Variants in SOX5 observed in about 807,000 individuals in gnomAD.
SOX5 encodes the protein SRY-box transcription factor 5.
In SOX5, 9 loss-of-function variants were observed where a neutral mutation model predicts 92.0. That is an observed-to-expected ratio of 0.10 (90% CI 0.06 to 0.17). The LOEUF (loss-of-function observed/expected upper bound fraction) is 0.17, where lower values mean the gene tolerates loss of function less well. Among genes scored for constraint, SOX5 ranks in the 10% least tolerant of loss-of-function variants. The pLI is 1.00. For synonymous variants in SOX5, 344 were observed against 336.3 expected, an observed-to-expected ratio of 1.02 and a Z score of -0.25; for missense variants, 642 against 944.5, an observed-to-expected ratio of 0.68 and a Z score of 4.20.
chr12:24,320,781 C>T lies in SOX5; in HGVS notation c.-173-43469G>A, dbSNP rs911026042. Among the ~76,000 whole-genome samples the T allele has an allele frequency of 2.6e-5, 4 of 151,700 alleles. 1 individual carries two copies. The highest frequency in any genetic ancestry group is 2.0e-4 in the Admixed American group (3 of 15,232). ...TCGGGAGGCTGAGGCAGGAGAATGG[C>T]GTGAACCTGGGAGGCGGAGCTTGCA... On this transcript the variant is annotated intron_variant, in intron 2 of 4. Transcript: ENST00000446891.
chr12:23,621,279 T>G (rs2077145719), intron 8 of SOX5, among the ~76,000 whole-genome samples: 1 of 151,984 alleles, frequency 6.6e-6, no homozygotes. Flanking sequence ...ATAGAGCTTA[T>G]CAGGGGATGG....
intron 4 of SOX5, among the ~76,000 whole-genome samples, chr12:24,132,421 A>C (rs1307178772): frequency 6.6e-6 from 1 of 152,154 alleles, no homozygotes; most frequent in African/African-American, 2.4e-5. Flanking sequence ...TGTGGTATCT[A>C]TATATATTTT....
At chr12:24,366,542 T>C (rs954702878) in intron 2 of SOX5, among the ~76,000 whole-genome samples, 16 of 152,144 alleles carry the variant, frequency 1.1e-4, no homozygotes, top group African/African-American at 4.8e-5. Flanking sequence ...TGGAGAGAAA[T>C]TGAATTCTGT....
chr12:24,218,642 A>G (rs959909205), intron 3 of SOX5, among the ~76,000 whole-genome samples: 25 of 152,210 alleles, frequency 1.6e-4, no homozygotes, highest in African/African-American at 6.0e-4. Context: ...ATAAATTATA[A>G]CTCAACAAAC....
chr12:24,104,738 G>C (rs1022078217), intron 4 of SOX5, among the ~76,000 whole-genome samples: 2 of 152,184 alleles, frequency 1.3e-5, no homozygotes, highest in Non-Finnish European at 2.9e-5. Context: ...CTGCCAAAGG[G>C]CATTTTTGCA....
intron 2 of SOX5, among the ~76,000 whole-genome samples, chr12:24,344,321 T>C (rs1375438633): frequency 7.6e-6 from 1 of 131,032 alleles, no homozygotes; most frequent in African/African-American, 2.8e-5. Context: ...TCAAGTAAGA[T>C]ACAAATGGTG....
chr12:24,138,395 C>T (rs1950289613), intron 4 of SOX5, among the ~76,000 whole-genome samples: 1 of 152,246 alleles, frequency 6.6e-6, no homozygotes, highest in Non-Finnish European at 1.5e-5. Context: ...TGACACCACT[C>T]CCCTCCAGGC....
chr12:23,812,873 T>TA, intron 3 of SOX5, among the ~76,000 whole-genome samples: 1 of 152,140 alleles, frequency 6.6e-6, no homozygotes, highest in East Asian at 1.9e-4. Context: ...ATGTCATATG[T>TA]AAAAAAAGTA....
chr12:23,748,207 T>C (rs1281287687), intron 4 of SOX5, among the ~76,000 whole-genome samples: 1 of 152,002 alleles, frequency 6.6e-6, no homozygotes, highest in Non-Finnish European at 1.5e-5. Context: ...CTATTATAAT[T>C]TGTTTTGTTC....
At chr12:24,518,244 T>G (rs928650969) in intron 1 of SOX5, among the ~76,000 whole-genome samples, 1 of 151,994 alleles carries the variant, frequency 6.6e-6, no homozygotes, top group African/African-American at 2.4e-5. Context: ...AATTTTTGTA[T>G]TTTTAGTAGA....
intron 1 of SOX5, among the ~76,000 whole-genome samples, chr12:24,514,750 C>G (rs1949628293): frequency 6.6e-6 from 1 of 152,150 alleles, no homozygotes; most frequent in Non-Finnish European, 1.5e-5. Context: ...ATATCCTTTG[C>G]AGGGACATGG....
At chr12:23,964,668 G>A (rs756689680) in intron 4 of SOX5, among the ~76,000 whole-genome samples, 1 of 152,120 alleles carries the variant, frequency 6.6e-6, no homozygotes, top group Non-Finnish European at 1.5e-5. Context: ...AGTAATATAT[G>A]AGGTATTAAT....
At chr12:23,647,835 T>C (rs1426232391) in intron 7 of SOX5, among the ~76,000 whole-genome samples, 1 of 152,250 alleles carries the variant, frequency 6.6e-6, no homozygotes, top group Non-Finnish European at 1.5e-5. Context: ...TGGTTTGATC[T>C]TCTATTTCAA....
chr12:23,628,506 T>A (rs1053694545), intron 8 of SOX5, among the ~76,000 whole-genome samples: 2 of 152,154 alleles, frequency 1.3e-5, no homozygotes, highest in African/African-American at 4.8e-5. Flanking sequence ...AATATTGTTG[T>A]AATTTTCATG....
At chr12:23,586,662 G>A (rs1329787600) in intron 9 of SOX5, among the ~76,000 whole-genome samples, 2 of 149,750 alleles carry the variant, frequency 1.3e-5, no homozygotes, top group Non-Finnish European at 3.0e-5. Context: ...TTTTCTTGAA[G>A]AGTCTGAAAA....
At chr12:23,650,691 ATT>A (rs1197153384) in intron 7 of SOX5, among the ~76,000 whole-genome samples, 53 of 152,258 alleles carry the variant, frequency 3.5e-4, no homozygotes, top group Non-Finnish European at 5.1e-4. Flanking sequence ...GGATAGTTTC[ATT>A]ACCCCCAGTG....
At chr12:24,268,553 T>C (rs1943303787) in intron 3 of SOX5, among the ~76,000 whole-genome samples, 1 of 152,188 alleles carries the variant, frequency 6.6e-6, no homozygotes. Flanking sequence ...TTTCAGAAGA[T>C]ATACGATCAT....
At chr12:24,229,171 G>A (rs541223163) in intron 3 of SOX5, among the ~76,000 whole-genome samples, 36 of 152,182 alleles carry the variant, frequency 2.4e-4, no homozygotes, top group African/African-American at 6.5e-4. Flanking sequence ...ATCAGGCACC[G>A]CCGAGTTTGT....
At chr12:24,052,973 T>C (rs1957706812) in intron 4 of SOX5, among the ~76,000 whole-genome samples, 1 of 152,216 alleles carries the variant, frequency 6.6e-6, no homozygotes, top group Non-Finnish European at 1.5e-5. Flanking sequence ...TCTTTCCCCA[T>C]TGTCCCATCT....
Sources: allele counts gnomAD v4.1 joint callset (sites outside exome capture counted in the v4.1 genomes callset), GRCh38; gene constraint gnomAD v4.1.1; transcripts MANE v1.5; gene names NCBI Gene and HGNC (gene_info 2026-07-23, HGNC 2026-07-21).